The following RYR2 variants were observed in gnomAD, a reference collection of about 807,000 sequenced individuals.
RYR2 encodes the protein ryanodine receptor 2, also known as cardiac muscle ryanodine receptor-calcium release channel.
Under a neutral mutation model 601.1 loss-of-function variants are expected in RYR2, and 227 were observed. That is an observed-to-expected ratio of 0.38 (90% CI 0.34 to 0.42). The LOEUF (loss-of-function observed/expected upper bound fraction) is 0.42, where lower values mean the gene tolerates loss of function less well. Ranked by LOEUF, RYR2 falls within the 10% of genes least tolerant of loss-of-function variation. The pLI, the probability that RYR2 is intolerant of heterozygous loss-of-function variation, is 1.00. For missense variants in RYR2, 4,646 were observed against 6,156.5 expected (o/e 0.75, Z 8.21); for synonymous variants, 2,223 against 2,175.1 (o/e 1.02, Z -0.61).
chr1:237,540,489 C>T (rs1669139568), intron 25 of RYR2, among the ~76,000 whole-genome samples: 1 of 152,012 alleles, frequency 6.6e-6, no homozygotes, highest in Non-Finnish European at 1.5e-5. Flanking sequence ...GTCAGATCAC[C>T]TGAGGTCAGG....
chr1:237,828,890 G>T (rs1424724270), intron 102 of RYR2, among the ~76,000 whole-genome samples: 1 of 152,132 alleles, frequency 6.6e-6, no homozygotes, highest in East Asian at 1.9e-4. Flanking sequence ...AAGTCTGTGG[G>T]TTTGATAAGG....
intron 1 of RYR2, among the ~76,000 whole-genome samples, chr1:237,063,530 T>C (rs948687936): frequency 1.3e-5 from 2 of 152,118 alleles, no homozygotes; most frequent in African/African-American, 4.8e-5. Flanking sequence ...ATATAATACT[T>C]TAAATTTATT....
intron 2 of RYR2, among the ~76,000 whole-genome samples, chr1:237,276,772 T>G (rs1292587645): frequency 1.3e-5 from 2 of 152,202 alleles, no homozygotes; most frequent in Non-Finnish European, 2.9e-5. Context: ...TTTACCACAT[T>G]AAGTTCAAAC....
rs558954920 is a variant in RYR2 at position 237,826,215 on chromosome 1, C to T, written c.14591-2166C>T. ...ATTCTACTATAAAGACACATGCACA[C>T]GTATGTTTATTGGGGCACTGTTCAC... On this transcript the variant is annotated intron_variant, in intron 101 of 104. Coordinates refer to ENST00000366574, the MANE Select transcript of RYR2 (RefSeq NM_001035.3). Among the ~76,000 whole-genome samples, 10 of 152,202 alleles carry T rather than the reference C, an allele frequency of 6.6e-5. No homozygotes were observed. The South Asian group carries it at 1.0e-3, about 16-fold the overall frequency.
At chr1:237,456,555 G>A in intron 15 of RYR2, 45 bp from the exon 16 acceptor site, 1 of 1,450,980 alleles carries the variant, frequency 6.9e-7, no homozygotes, top group South Asian at 1.6e-5. Context: ...CAGAATGACA[G>A]TTTTGGATGT....
At chr1:237,611,531 G>A (rs1418576739) in intron 36 of RYR2, among the ~76,000 whole-genome samples, 6 of 152,060 alleles carry the variant, frequency 3.9e-5, no homozygotes, top group Non-Finnish European at 5.9e-5. Flanking sequence ...AGTACTCAAA[G>A]GTATTTGAGT....
At chr1:237,067,359 C>T (rs1159351755) in intron 1 of RYR2, among the ~76,000 whole-genome samples, 3 of 151,834 alleles carry the variant, frequency 2.0e-5, no homozygotes, top group African/African-American at 4.8e-5. Context: ...CTATTTTTTT[C>T]CTGTCTCCAA....
chr1:237,623,900 T>G, intron 39 of RYR2, 30 bp downstream of exon 39: 1 of 1,399,740 alleles, frequency 7.1e-7, no homozygotes, highest in East Asian at 2.3e-5. Flanking sequence ...AAGCTTTTAT[T>G]AATTGTATGT....
At position 237,500,112 on chromosome 1, in the gene RYR2, C is replaced by G. The variant is rs554214198; in HGVS notation, c.2204-599C>G. Among the ~76,000 whole-genome samples, 15 of 152,234 alleles carry G rather than the reference C, an allele frequency of 9.9e-5. No homozygotes were observed. The South Asian group carries it at 3.1e-3, about 32-fold the overall frequency. On this transcript the variant is annotated intron_variant, in intron 20 of 104. Transcript: ENST00000366574. Reference sequence around the variant, plus strand: ...TAGTTGTCTCACAATAAGCAACGTGCTGCAGGAATGAATGATCATATTTTC... The same window carrying G: ...TAGTTGTCTCACAATAAGCAACGTGGTGCAGGAATGAATGATCATATTTTC...
chr1:237,134,010 G>A (rs2490376), intron 1 of RYR2, among the ~76,000 whole-genome samples: 79,343 of 149,898 alleles, frequency 0.53, 21,766 homozygotes, highest in Non-Finnish European at 0.6. Flanking sequence ...CCACGTTTCC[G>A]TTGGTGGTTA....
intron 3 of RYR2, among the ~76,000 whole-genome samples, chr1:237,339,066 T>C (rs1697509191): frequency 6.6e-6 from 1 of 152,192 alleles, no homozygotes; most frequent in Admixed American, 6.5e-5. Context: ...AAGTCTTCTG[T>C]ATTTTAATTC....
At chr1:237,696,818 A>T (rs1046402591) in intron 63 of RYR2, among the ~76,000 whole-genome samples, 4 of 152,092 alleles carry the variant, frequency 2.6e-5, no homozygotes, top group African/African-American at 9.7e-5. Flanking sequence ...TCAAATATAT[A>T]TTCTCAAGTT....
intron 58 of RYR2, 139 bp from the exon 59 acceptor site, chr1:237,673,957 A>G: frequency 3.6e-6 from 2 of 562,730 alleles, no homozygotes. Context: ...AAGGCAGTAG[A>G]GGCAGAAGAG....
chr1:237,757,587 A>T, intron 81 of RYR2, 110 bp from the exon 82 acceptor site: 1 of 703,138 alleles, frequency 1.4e-6, no homozygotes. Context: ...CATTAAACAG[A>T]TTGCCTGGGG....
intron 44 of RYR2, among the ~76,000 whole-genome samples, chr1:237,636,181 A>G (rs746415818): frequency 4.1e-4 from 63 of 151,918 alleles, no homozygotes; most frequent in Non-Finnish European, 7.8e-4. Flanking sequence ...AATTGTATGT[A>G]AAATAAATAT....
chr1:237,709,227 T>A, intron 69 of RYR2, 129 bp downstream of exon 69: 1 of 896,944 alleles, frequency 1.1e-6, no homozygotes, highest in Non-Finnish European at 1.7e-6. Flanking sequence ...TAACTGTTTA[T>A]AGGCAAGTTA....
intron 1 of RYR2, among the ~76,000 whole-genome samples, chr1:237,195,441 C>T (rs574438620): frequency 5.3e-5 from 8 of 152,098 alleles, no homozygotes; most frequent in East Asian, 1.9e-4. Flanking sequence ...TTAGTAGAGA[C>T]GGGGTTTCTC....
At chr1:237,529,891 TAGA>T (rs1667963442) in intron 24 of RYR2, among the ~76,000 whole-genome samples, 1 of 151,870 alleles carries the variant, frequency 6.6e-6, no homozygotes, top group Non-Finnish European at 1.5e-5. Flanking sequence ...GAAACAGAAT[TAGA>T]AGAAGTTGGA....
chr1:237,689,401 A>G (rs1448665036), intron 63 of RYR2, among the ~76,000 whole-genome samples: 1 of 152,216 alleles, frequency 6.6e-6, no homozygotes, highest in Non-Finnish European at 1.5e-5. Context: ...TTCAAATTAT[A>G]ACCATCTCCA....
Sources: gnomAD v4.1 joint callset for allele counts (sites outside exome capture counted in the v4.1 genomes callset) on GRCh38, gnomAD v4.1.1 for gene constraint, MANE v1.5 for transcripts, NCBI Gene and HGNC (gene_info 2026-07-23, HGNC 2026-07-21) for gene names.